The following DIP2C variants were observed in gnomAD, a reference collection of about 807,000 sequenced individuals.
The protein encoded by DIP2C is DIP2 acetate--CoA ligase C (putative), also known as disco-interacting protein 2 homolog C.
In DIP2C, 33 loss-of-function variants were observed where a neutral mutation model predicts 192.4. The observed-to-expected ratio is 0.17, with a 90% confidence interval of 0.13 to 0.23. The LOEUF (loss-of-function observed/expected upper bound fraction) is 0.23, where lower values mean the gene tolerates loss of function less well. Ranked by LOEUF, DIP2C falls within the 10% of genes least tolerant of loss-of-function variation. DIP2C has a pLI of 1.00. For synonymous variants in DIP2C, 979 were observed against 864.1 expected (o/e 1.13, Z -2.33); for missense variants, 1,537 against 2,110.1 (o/e 0.73, Z 5.32).
At chr10:400,084 A>G (rs1964296676) in intron 9 of DIP2C, among the ~76,000 whole-genome samples, 1 of 152,232 alleles carries the variant, frequency 6.6e-6, no homozygotes, top group Non-Finnish European at 1.5e-5. Flanking sequence ...TCACTCTATT[A>G]CCCAGGCTGG....
chr10:376,126 G>A (rs181100267), intron 17 of DIP2C, among the ~76,000 whole-genome samples: 46 of 152,318 alleles, frequency 3.0e-4, no homozygotes, highest in South Asian at 6.2e-4. Flanking sequence ...ATGCTCACAC[G>A]GGCCTCTGAC....
In DIP2C at chr10:529,584, T is replaced by C. The variant is rs1055711611; in HGVS notation, c.86-43054A>G. Among the ~76,000 whole-genome samples, 9 of 152,140 alleles carry C rather than the reference T, an allele frequency of 5.9e-5. No homozygotes were observed. In the East Asian group the frequency reaches 1.7e-3, roughly 29 times the overall value. On this transcript the variant is annotated intron_variant, in intron 1 of 36. Coordinates refer to ENST00000280886, the MANE Select transcript of DIP2C (RefSeq NM_014974.3). ...GAAAACAGAAAAGACAGGAGACAGATCCTAAACACCGTAAAACAGAAAACA... is the reference window on the plus strand; with the variant it reads ...GAAAACAGAAAAGACAGGAGACAGACCCTAAACACCGTAAAACAGAAAACA...
Position 652,647 on chromosome 10 carries a change from A to G in DIP2C, c.85+36847T>C, listed in dbSNP as rs1245287145. On this transcript the variant is annotated intron_variant, in intron 1 of 36. Transcript: ENST00000280886. This position sits in a 1 kb window ranked among gnomAD's most constrained non-coding sequence, Gnocchi z 4.5. ...CACTTGCTCTACCAAATAAAACAGA[A>G]CAAAATAACACCATGTCCTCCTTTC... The G allele has an allele frequency of 2.6e-5, 4 of 152,620 alleles. No homozygotes were observed. The allele number at this position is 152,620 out of a possible 1,614,324, so 9.5% of individuals were successfully genotyped here. A position where few individuals can be genotyped will look rare whatever the true frequency, so the allele number is the denominator to read the frequency against.
intron 4 of DIP2C, among the ~76,000 whole-genome samples, chr10:424,382 T>TTTTTTTTTTTTG (rs1388302720): frequency 3.9e-5 from 4 of 101,362 alleles, no homozygotes; most frequent in Admixed American, 1.1e-4. Context: ...TTTTTTTTTT[T>TTTTTTTTTTTTG]TGAGACAGAG....
intron 1 of DIP2C, among the ~76,000 whole-genome samples, chr10:539,926 A>C (rs913357942): frequency 6.6e-6 from 1 of 152,226 alleles, no homozygotes; most frequent in Non-Finnish European, 1.5e-5. Flanking sequence ...AAACCCCTAA[A>C]TATGAAAATG....
chr10:394,219 TATTCAGCCTTCAGC>T, intron 10 of DIP2C, among the ~76,000 whole-genome samples: 1 of 152,294 alleles, frequency 6.6e-6, no homozygotes, highest in African/African-American at 2.4e-5. Context: ...CACTGGGCGC[TATTCAGCCTTCAGC>T]GAGGAGGGAA....
intron 1 of DIP2C, among the ~76,000 whole-genome samples, chr10:612,024 G>A (rs1015523062): frequency 7.2e-5 from 11 of 152,064 alleles, no homozygotes; most frequent in Non-Finnish European, 1.3e-4. Context: ...GGACGGGTGC[G>A]GTGGCTCACG....
chr10:595,702 G>A (rs1210540911), intron 1 of DIP2C, among the ~76,000 whole-genome samples: 4 of 152,186 alleles, frequency 2.6e-5, no homozygotes, highest in African/African-American at 7.2e-5. Context: ...CAGGACCCGC[G>A]CCCACCCTGT....
At chr10:342,568 A>G (rs1300892333) in intron 28 of DIP2C, among the ~76,000 whole-genome samples, 1 of 152,202 alleles carries the variant, frequency 6.6e-6, no homozygotes, top group East Asian at 1.9e-4. Flanking sequence ...ACGGCTGGAC[A>G]TAGCCTCTGC....
intron 17 of DIP2C, among the ~76,000 whole-genome samples, chr10:378,788 C>T (rs914458853): frequency 6.9e-6 from 1 of 144,748 alleles, no homozygotes; most frequent in Admixed American, 7.0e-5. Context: ...TGCCTAGACA[C>T]CCATGGACAT....
chr10:321,001 G>C (rs1956980792), intron 31 of DIP2C, among the ~76,000 whole-genome samples: 1 of 113,226 alleles, frequency 8.8e-6, no homozygotes, highest in Admixed American at 8.8e-5. Context: ...GCCGAGCACA[G>C]TGTCCGGGTT....
chr10:674,823 G>GAT (rs1370825047), intron 1 of DIP2C, among the ~76,000 whole-genome samples: 1 of 146,422 alleles, frequency 6.8e-6, no homozygotes, highest in African/African-American at 2.6e-5. Flanking sequence ...GAGAGAGAGA[G>GAT]AGAGAGACCA....
intron 1 of DIP2C, among the ~76,000 whole-genome samples, chr10:521,536 A>C (rs1846707083): frequency 2.0e-5 from 3 of 152,192 alleles, no homozygotes; most frequent in Admixed American, 6.5e-5. Context: ...TGAGACCATG[A>C]GCATCACTGC....
rs576784983 is a variant in DIP2C, at chr10:684,991, G to A, written c.85+4503C>T. Among the ~76,000 whole-genome samples, 331 of 151,418 alleles carry A rather than the reference G, an allele frequency of 2.2e-3. 2 individuals carry two copies. The highest frequency in any genetic ancestry group is 6.8e-3 in the Middle Eastern group (2 of 294). The stretch of plus-strand genomic sequence containing the variant: ...CTACTAAAAATACAAAAAATTAGCC[G>A]GGTGTGGTGGCGGGCACCTGTAGTC... On this transcript the variant is annotated intron_variant, in intron 1 of 36. Coordinates refer to ENST00000280886, the MANE Select transcript of DIP2C (RefSeq NM_014974.3).
At chr10:443,245 C>T (rs1224241989) in intron 3 of DIP2C, among the ~76,000 whole-genome samples, 1 of 152,210 alleles carries the variant, frequency 6.6e-6, no homozygotes, top group Non-Finnish European at 1.5e-5. Flanking sequence ...CTGATGATTT[C>T]CTGCCATTCC....
chr10:571,604 G>A (rs1041625989), intron 1 of DIP2C, among the ~76,000 whole-genome samples: 12 of 152,210 alleles, frequency 7.9e-5, no homozygotes, highest in African/African-American at 2.4e-4. Context: ...TTCTCAGTCA[G>A]GTCAGTAGAG....
rs765580207 is a variant in DIP2C, at chr10:363,163, CAG to C, written c.2592+32_2592+33del. ...AAGTAAGGAGGCCAGAAACAAGACA[CAG>C]GGGACCAGTGCCCAGGGCGAGGGAG... On this transcript the variant is annotated intron_variant, in intron 21 of 36. Coordinates refer to ENST00000280886, the MANE Select transcript of DIP2C (RefSeq NM_014974.3). This position sits in a 1 kb window ranked among gnomAD's most constrained non-coding sequence, Gnocchi z 5.4. 1.3e-5 allele frequency: 20 copies of C among 1,586,974 alleles called. No individual in the cohort carries two copies. The highest frequency in any genetic ancestry group is 6.7e-5 in the East Asian group (3 of 44,566).
chr10:283,169 C>G, intron 35 of DIP2C, 103 bp downstream of exon 35: 1 of 1,470,730 alleles, frequency 6.8e-7, no homozygotes, highest in Non-Finnish European at 9.2e-7. Flanking sequence ...CACGTGCCCT[C>G]CTGGCTTTGG....
At position 623,704 on chromosome 10, in the gene DIP2C, G is replaced by A. The variant is rs58487792; in HGVS notation, c.85+65790C>T. Reference sequence around the variant, plus strand: ...GGGAGGAGGGGAGGGACGCAGGGCCGAGGGCTGAGGGGAGGAGGGGAGGAG... The same window carrying A: ...GGGAGGAGGGGAGGGACGCAGGGCCAAGGGCTGAGGGGAGGAGGGGAGGAG... On this transcript the variant is annotated intron_variant, in intron 1 of 36. Transcript: ENST00000280886. 1.2e-4 allele frequency among the ~76,000 whole-genome samples: 14 copies of A among 119,418 alleles called. No individual in the cohort carries two copies. In the East Asian group the frequency reaches 1.7e-3, roughly 14 times the overall value. 78.3% of individuals were successfully genotyped at this position (119,418 alleles called of 152,430 possible). A position where few individuals can be genotyped will look rare whatever the true frequency, so the allele number is the denominator to read the frequency against.
Sources: allele counts gnomAD v4.1 joint callset (sites outside exome capture counted in the v4.1 genomes callset), GRCh38; gene constraint gnomAD v4.1.1; non-coding constraint Gnocchi (gnomAD v3.1); transcripts MANE v1.5; gene names NCBI Gene and HGNC (gene_info 2026-07-23, HGNC 2026-07-21).